EXOC6B: variants seen among roughly 807,000 people sequenced by gnomAD.
EXOC6B encodes SEC15 homolog B.
A neutral mutation model predicts 113.5 loss-of-function variants in EXOC6B; 54 were observed. The ratio of observed to expected loss-of-function variants is 0.48; its 90% CI spans 0.38 to 0.60. The LOEUF is 0.60. EXOC6B is among the 20% of genes least tolerant of loss of function. EXOC6B has a pLI of 0.00. For synonymous variants in EXOC6B, 357 were observed against 339.0 expected, an observed-to-expected ratio of 1.05 and a Z score of -0.58; for missense variants, 797 against 977.5, an observed-to-expected ratio of 0.82 and a Z score of 2.46.
chr2:72,299,769 T>C (rs1429430107), intron 20 of EXOC6B, among the ~76,000 whole-genome samples: 3 of 152,300 alleles, frequency 2.0e-5, no homozygotes, highest in Non-Finnish European at 4.4e-5. Context: ...TTTCTGTTTG[T>C]TGGTTTTCCT....
rs1306310314 is a variant in EXOC6B at position 72,659,115 on chromosome 2, T to C, written c.669+58988A>G. ...TTATTTTTGGAAGTAGGTAGAAACA[T>C]ACAATGAATTAATAAACTGGAATAT... On this transcript the variant is annotated intron_variant, in intron 6 of 21. Transcript: ENST00000272427. 3.3e-5 allele frequency among the ~76,000 whole-genome samples: 5 copies of C among 152,118 alleles called. No individual in the cohort carries two copies. In the East Asian group the frequency reaches 9.6e-4, roughly 29 times the overall value.
chr2:72,238,101 T>C (rs1013331731), intron 20 of EXOC6B, among the ~76,000 whole-genome samples: 1 of 152,170 alleles, frequency 6.6e-6, no homozygotes, highest in Non-Finnish European at 1.5e-5. Flanking sequence ...TGGCAATTAC[T>C]ACTCTACTTC....
rs1009785775 is a variant in EXOC6B at position 72,204,338 on chromosome 2, G to A, written c.2197-20151C>T. Among the ~76,000 whole-genome samples, 73 of 152,132 alleles carry A rather than the reference G, an allele frequency of 4.8e-4. 1 individual carries two copies. Among genetic ancestry groups the A allele is most frequent in the African/African-American group, 1.6e-3 (66 of 41,504 alleles). On this transcript the variant is annotated intron_variant, in intron 20 of 21. Transcript: ENST00000272427. ...GCTCCTTGAGGTTCTCTGGGGTCCCGGGGTCTGGCTCCACAAGGTTCTAGT... is the reference window on the plus strand; with the variant it reads ...GCTCCTTGAGGTTCTCTGGGGTCCCAGGGTCTGGCTCCACAAGGTTCTAGT...
chr2:72,807,032 T>C (rs1348775692), intron 1 of EXOC6B, among the ~76,000 whole-genome samples: 3 of 152,190 alleles, frequency 2.0e-5, no homozygotes, highest in Admixed American at 1.3e-4. Flanking sequence ...TTTAATTAGG[T>C]CTTATTTGTC....
chr2:72,512,345 AAGGAAGGAAGGAAGGAAGGAAAGAAG>A, intron 11 of EXOC6B, among the ~76,000 whole-genome samples: 1 of 11,898 alleles, frequency 8.4e-5, no homozygotes, highest in Non-Finnish European at 2.5e-4. Flanking sequence ...GGAAGGAAGG[AAGGAAGGAAGGAAGGAAGGAAAGAAG>A]GAAGGAAGGA....
rs181580743 is a variant in EXOC6B, at chr2:72,619,697, C to A, written c.670-44029G>T. 2.1e-4 allele frequency among the ~76,000 whole-genome samples: 32 copies of A among 152,264 alleles called. No individual in the cohort carries two copies. In the East Asian group the frequency reaches 6.0e-3, roughly 29 times the overall value. ...GGAAATCTGGAAGCCCTGAATGATA[C>A]CTGAATACCTCTAATGGCTCCTATG... On this transcript the variant is annotated intron_variant, in intron 6 of 21. Transcript: ENST00000272427.
At chr2:72,487,772 G>A (rs577795044) in intron 16 of EXOC6B, among the ~76,000 whole-genome samples, 1 of 152,296 alleles carries the variant, frequency 6.6e-6, no homozygotes, top group South Asian at 2.1e-4. Context: ...TAGGGAGGGA[G>A]AACACAGAGG....
chr2:72,699,809 G>T (rs1678177062), intron 6 of EXOC6B, among the ~76,000 whole-genome samples: 1 of 152,166 alleles, frequency 6.6e-6, no homozygotes, highest in South Asian at 2.1e-4. Flanking sequence ...GCCCGCAAAA[G>T]TAGGCTAAGA....
At chr2:72,530,962 A>G (rs1261934913) in intron 8 of EXOC6B, among the ~76,000 whole-genome samples, 1 of 152,042 alleles carries the variant, frequency 6.6e-6, no homozygotes, top group Non-Finnish European at 1.5e-5. Flanking sequence ...ACCTGCCTAT[A>G]TCATTATACT....
intron 1 of EXOC6B, among the ~76,000 whole-genome samples, chr2:72,813,764 C>A (rs1397507991): frequency 6.6e-6 from 1 of 152,130 alleles, no homozygotes; most frequent in Non-Finnish European, 1.5e-5. Flanking sequence ...ATATCAATAT[C>A]TTTAGAATTT....
intron 6 of EXOC6B, among the ~76,000 whole-genome samples, chr2:72,693,464 C>T (rs1677647358): frequency 6.6e-6 from 1 of 152,104 alleles, no homozygotes; most frequent in African/African-American, 2.4e-5. Context: ...TAGCTCTTTT[C>T]TTTGCCTATG....
intron 20 of EXOC6B, among the ~76,000 whole-genome samples, chr2:72,311,453 T>C (rs1687180292): frequency 6.6e-6 from 1 of 151,986 alleles, no homozygotes; most frequent in Admixed American, 6.6e-5. Flanking sequence ...ACCAGCAGGG[T>C]AGGTGGAGTT....
chr2:72,397,751 T>G (rs1308658918), intron 18 of EXOC6B, among the ~76,000 whole-genome samples: 1 of 151,982 alleles, frequency 6.6e-6, no homozygotes, highest in African/African-American at 2.4e-5. Context: ...CAGTAGAATC[T>G]GAAATCATAT....
chr2:72,227,589 A>G (rs1037246338), intron 20 of EXOC6B, among the ~76,000 whole-genome samples: 2 of 152,186 alleles, frequency 1.3e-5, no homozygotes, highest in African/African-American at 4.8e-5. Flanking sequence ...AGATTTGAAG[A>G]GCACAACTGA....
intron 1 of EXOC6B, among the ~76,000 whole-genome samples, chr2:72,754,465 C>G (rs895296872): frequency 6.6e-6 from 1 of 151,936 alleles, no homozygotes; most frequent in Non-Finnish European, 1.5e-5. Flanking sequence ...CTCCTAGCCT[C>G]GAGCAATCCT....
At chr2:72,294,078 GA>G (rs949247198) in intron 20 of EXOC6B, among the ~76,000 whole-genome samples, 58 of 130,072 alleles carry the variant, frequency 4.5e-4, no homozygotes, top group South Asian at 9.9e-4. Flanking sequence ...TGGAACCAGT[GA>G]AAAAAAAAAA....
intron 1 of EXOC6B, among the ~76,000 whole-genome samples, chr2:72,776,687 T>C (rs10203641): frequency 6.6e-6 from 1 of 150,542 alleles, no homozygotes; most frequent in African/African-American, 2.4e-5. Flanking sequence ...GACAACAAAA[T>C]GGGGAGATGT....
rs1484915057 is a variant in EXOC6B, at chr2:72,401,675, A to G, written c.1981-21805T>C. Among the ~76,000 whole-genome samples the G allele has an allele frequency of 1.1e-4, 11 of 103,774 alleles. No individual in the cohort carries two copies. The East Asian group carries it at 1.2e-3, about 12-fold the overall frequency. The allele number at this position is 103,774 out of a possible 152,430, so 68.1% of individuals were successfully genotyped here. On this transcript the variant is annotated intron_variant, in intron 18 of 21. Coordinates refer to ENST00000272427, the MANE Select transcript of EXOC6B (RefSeq NM_015189.3). The stretch of plus-strand genomic sequence containing the variant: ...TATATATATATATATATGTATATAT[A>G]TATATATATATGAAAAAGAATGAAA...
intron 20 of EXOC6B, among the ~76,000 whole-genome samples, chr2:72,200,846 A>G (rs1679449266): frequency 6.6e-6 from 1 of 152,180 alleles, no homozygotes; most frequent in Non-Finnish European, 1.5e-5. Flanking sequence ...TAAAAATAAA[A>G]GAGAATGTAA....
Sources: gnomAD v4.1 joint callset for allele counts (sites outside exome capture counted in the v4.1 genomes callset) on GRCh38, gnomAD v4.1.1 for gene constraint, MANE v1.5 for transcripts, NCBI Gene and HGNC (gene_info 2026-07-23, HGNC 2026-07-21) for gene names.